The following CACNA2D3 variants were observed in gnomAD, a reference collection of about 807,000 sequenced individuals.
CACNA2D3 encodes calcium voltage-gated channel auxiliary subunit alpha2delta 3.
CACNA2D3 carries 60 observed loss-of-function variants against 160.6 expected under a neutral mutation model. The ratio of observed to expected loss-of-function variants is 0.37; its 90% CI spans 0.30 to 0.46. The LOEUF is 0.46. Ranked by LOEUF, CACNA2D3 falls within the 20% of genes least tolerant of loss-of-function variation. The pLI is 1.00. For missense variants in CACNA2D3, 1,205 were observed against 1,365.0 expected, an observed-to-expected ratio of 0.88 and a Z score of 1.85; for synonymous variants, 558 against 492.9, an observed-to-expected ratio of 1.13 and a Z score of -1.75.
intron 9 of CACNA2D3, 117 bp from the exon 10 acceptor site, chr3:54,627,670 A>T: frequency 1.4e-6 from 1 of 695,800 alleles, no homozygotes; most frequent in South Asian, 1.7e-5. Flanking sequence ...AAAGTAAATT[A>T]TGACCGGTTG....
At chr3:54,469,162 C>T (rs144213940) in intron 4 of CACNA2D3, among the ~76,000 whole-genome samples, 18 of 152,316 alleles carry the variant, frequency 1.2e-4, no homozygotes, top group African/African-American at 2.6e-4. Context: ...TCAATAGACA[C>T]CTCATACAGG....
Position 54,987,706 on chromosome 3 carries a change from C to G in CACNA2D3, c.2643C>G (p.Ile881Met). The change falls in exon 31 of 38, where the codon ATC becomes ATG. Residue 881 changes from isoleucine (I) to methionine (M), a missense_variant. Ile to Met is a conservative substitution (Grantham distance 10). Around this residue, in one of 3 missense-constraint regions of CACNA2D3, gnomAD observed 911 missense variants for 1,002.2 expected, o/e 0.91. Transcript: ENST00000474759. ...AGACTGGAGACTTTTTTGGTGAGAT[C>G]GAGGGAGCTGTGATGAACAAATTGC... is the stretch of plus-strand genomic sequence containing the variant. ...YTQTGDFFGE[I>M]EGAVMNKLLT... The G allele has an allele frequency of 6.2e-7, 1 of 1,610,190 alleles. No homozygotes were observed. The highest frequency in any genetic ancestry group is 8.5e-7 in the Non-Finnish European group (1 of 1,178,598).
intron 8 of CACNA2D3, among the ~76,000 whole-genome samples, chr3:54,572,295 A>T (rs570119827): frequency 6.6e-6 from 1 of 152,350 alleles, no homozygotes; most frequent in African/African-American, 2.4e-5. Flanking sequence ...AGTCTTGTTC[A>T]TTCATGGATG....
At chr3:54,657,134 A>G in intron 11 of CACNA2D3, among the ~76,000 whole-genome samples, 1 of 152,160 alleles carries the variant, frequency 6.6e-6, no homozygotes, top group Non-Finnish European at 1.5e-5. Flanking sequence ...AGGATGAGCC[A>G]GGAGAAGGAA....
intron 13 of CACNA2D3, among the ~76,000 whole-genome samples, chr3:54,802,033 A>G (rs1575482785): frequency 6.6e-6 from 1 of 152,296 alleles, no homozygotes; most frequent in Admixed American, 6.5e-5. Context: ...AAAGTCAGCT[A>G]TGTTTGTTTG....
At chr3:54,880,996 A>T (rs1198571785) in intron 21 of CACNA2D3, 133 bp downstream of exon 21, 4 of 746,898 alleles carry the variant, frequency 5.4e-6, no homozygotes, top group Admixed American at 3.9e-5. Context: ...ACTCAAACGA[A>T]TGCCTACTTG....
chr3:55,069,705 G>A (rs1248005834), intron 35 of CACNA2D3, among the ~76,000 whole-genome samples: 1 of 152,122 alleles, frequency 6.6e-6, no homozygotes, highest in South Asian at 2.1e-4. Flanking sequence ...TTCACCTGGG[G>A]GTAGATTCTC....
intron 11 of CACNA2D3, among the ~76,000 whole-genome samples, chr3:54,737,598 G>T (rs113761361): frequency 6.6e-6 from 1 of 151,994 alleles, no homozygotes; most frequent in Non-Finnish European, 1.5e-5. Flanking sequence ...CAGGGAAGGG[G>T]TCAGGACATT....
chr3:54,878,684 G>C (rs560404172), intron 18 of CACNA2D3: 1 of 192,084 alleles, frequency 5.2e-6, no homozygotes, highest in Non-Finnish European at 1.0e-5. Context: ...TTTTGAAAAC[G>C]TACCTTGTCC....
At chr3:55,034,487 C>T (rs78177355) in intron 35 of CACNA2D3, among the ~76,000 whole-genome samples, 10,631 of 151,876 alleles carry the variant, frequency 0.07, 437 homozygotes, top group South Asian at 0.084. Context: ...CTATATATTG[C>T]ATTAAAAGCA....
chr3:54,220,213 T>C (rs1159301013), intron 2 of CACNA2D3, among the ~76,000 whole-genome samples: 1 of 152,218 alleles, frequency 6.6e-6, no homozygotes, highest in Non-Finnish European at 1.5e-5. Flanking sequence ...GTCGGTCTGC[T>C]CTGATAGCAC....
chr3:54,995,784 A>C lies in CACNA2D3; in HGVS notation c.2690+8031A>C, dbSNP rs148738476. Among the ~76,000 whole-genome samples the C allele has an allele frequency of 3.8e-3, 572 of 152,338 alleles. 3 individuals carry two copies. The highest frequency in any genetic ancestry group is 0.012 in the African/African-American group (511 of 41,578). On this transcript the variant is annotated intron_variant, in intron 31 of 37. Coordinates refer to ENST00000474759, the MANE Select transcript of CACNA2D3 (RefSeq NM_018398.3). ...CAGAAGAGGAGAATAGTTATTGTGA[A>C]ACTACTGATAGTTTCTACCACATCC...
chr3:54,842,244 G>A (rs1698835194), intron 16 of CACNA2D3, among the ~76,000 whole-genome samples: 1 of 152,156 alleles, frequency 6.6e-6, no homozygotes, highest in Non-Finnish European at 1.5e-5. Flanking sequence ...TCCTGGGGAG[G>A]ATTTTAACCA....
intron 14 of CACNA2D3, among the ~76,000 whole-genome samples, chr3:54,831,062 C>T (rs529902089): frequency 3.5e-4 from 54 of 152,280 alleles, no homozygotes; most frequent in African/African-American, 1.2e-3. Context: ...AATAAAGCAA[C>T]ACAAATGTAA....
chr3:54,940,193 A>C (rs1418744601), intron 27 of CACNA2D3, among the ~76,000 whole-genome samples: 1 of 152,144 alleles, frequency 6.6e-6, no homozygotes, highest in East Asian at 1.9e-4. Flanking sequence ...AGATTAGCTA[A>C]CTTTTGAGAC....
At chr3:54,632,842 C>A (rs889738653) in intron 10 of CACNA2D3, 1 of 152,190 alleles carries the variant, frequency 6.6e-6, no homozygotes, top group African/African-American at 2.4e-5. Flanking sequence ...CCGAGTTTGA[C>A]CTTCCTGGGC....
At chr3:54,296,146 G>T (rs1430213456) in intron 2 of CACNA2D3, among the ~76,000 whole-genome samples, 3 of 152,210 alleles carry the variant, frequency 2.0e-5, no homozygotes, top group Non-Finnish European at 2.9e-5. Context: ...GCAAGGCCGG[G>T]ATGACATTTG....
intron 5 of CACNA2D3, among the ~76,000 whole-genome samples, chr3:54,508,075 G>A (rs1701400819): frequency 6.6e-6 from 1 of 152,232 alleles, no homozygotes; most frequent in African/African-American, 2.4e-5. Flanking sequence ...GACTGAGGGA[G>A]CTTGTTGTCC....
intron 2 of CACNA2D3, among the ~76,000 whole-genome samples, chr3:54,244,985 G>A (rs1559894095): frequency 1.3e-5 from 2 of 152,152 alleles, no homozygotes. Context: ...AAATTTAGAT[G>A]ACATTTGAGC....
Sources: allele counts gnomAD v4.1 joint callset (sites outside exome capture counted in the v4.1 genomes callset), GRCh38; gene constraint gnomAD v4.1.1; regional missense constraint gnomAD v4.1.1; transcripts MANE v1.5; gene names NCBI Gene and HGNC (gene_info 2026-07-23, HGNC 2026-07-21).